TM9SF4: variants seen among roughly 807,000 people sequenced by gnomAD.
The protein encoded by TM9SF4 is transmembrane 9 superfamily member 4, also known as dinucleotide oxidase disulfide thiol exchanger 3 superfamily member 4.
Under a neutral mutation model 90.4 loss-of-function variants are expected in TM9SF4, and 26 were observed. That is an observed-to-expected ratio of 0.29 (90% CI 0.21 to 0.40). The LOEUF (loss-of-function observed/expected upper bound fraction) is 0.40, where lower values mean the gene tolerates loss of function less well. Among genes scored for constraint, TM9SF4 ranks in the 10% least tolerant of loss-of-function variants. The pLI, the probability that TM9SF4 is intolerant of heterozygous loss-of-function variation, is 1.00. For synonymous variants in TM9SF4, 293 were observed against 315.4 expected, an observed-to-expected ratio of 0.93 and a Z score of 0.75; for missense variants, 549 against 834.8, an observed-to-expected ratio of 0.66 and a Z score of 4.22.
intron 1 of TM9SF4, among the ~76,000 whole-genome samples, chr20:32,128,577 G>A (rs114196595): frequency 0.012 from 1,820 of 152,096 alleles, 46 homozygotes; most frequent in African/African-American, 0.041. Context: ...TTTCTCATCC[G>A]TCACCACCCC....
intron 1 of TM9SF4, among the ~76,000 whole-genome samples, chr20:32,111,928 G>T (rs2046148465): frequency 6.6e-6 from 1 of 152,186 alleles, no homozygotes; most frequent in African/African-American, 2.4e-5. Flanking sequence ...TGAGAAGCAT[G>T]CCTGGAAATG....
intron 15 of TM9SF4, among the ~76,000 whole-genome samples, 163 bp downstream of exon 15, chr20:32,158,677 A>G (rs1277920683): frequency 1.3e-5 from 2 of 152,096 alleles, no homozygotes; most frequent in East Asian, 1.9e-4. Flanking sequence ...CTTCCCTCTC[A>G]GGGCAGCATT....
chr20:32,162,621 C>T (rs1003894529), intron 17 of TM9SF4, among the ~76,000 whole-genome samples: 1 of 152,182 alleles, frequency 6.6e-6, no homozygotes, highest in African/African-American at 2.4e-5. Flanking sequence ...GACCCCTGCT[C>T]TACTACATCC....
intron 2 of TM9SF4, among the ~76,000 whole-genome samples, chr20:32,134,790 A>G (rs1324063692): frequency 6.6e-6 from 1 of 151,774 alleles, no homozygotes; most frequent in Non-Finnish European, 1.5e-5. Context: ...CTCCTGCCTC[A>G]GCCTCCTGAG....
chr20:32,121,127 T>G (rs1025920475), intron 1 of TM9SF4, among the ~76,000 whole-genome samples: 1 of 152,178 alleles, frequency 6.6e-6, no homozygotes, highest in Non-Finnish European at 1.5e-5. Flanking sequence ...GCACGTGGTT[T>G]TTAAAAATTT....
At chr20:32,132,433 G>C (rs1361118089) in intron 1 of TM9SF4, among the ~76,000 whole-genome samples, 1 of 152,058 alleles carries the variant, frequency 6.6e-6, no homozygotes, top group Non-Finnish European at 1.5e-5. Context: ...GCAGGTGCCT[G>C]TGGGAAGGGC....
Position 32,143,042 on chromosome 20 carries a change from G to A in TM9SF4, c.589G>A (p.Asp197Asn), listed in dbSNP as rs1363929524. 1 of 1,613,874 alleles carries A rather than the reference G, an allele frequency of 6.2e-7. No individual in the cohort carries two copies. Among genetic ancestry groups the A allele is most frequent in the Non-Finnish European group, 8.5e-7 (1 of 1,179,928 alleles). ...LYYHREDMEEDQEHTYRVVRF... is the reference protein window; with the variant it reads ...LYYHREDMEENQEHTYRVVRF... ...CTATCATCGGGAGGACATGGAAGAGGACCAGGAGCACACGTACCGTGTCGT... is the reference window on the plus strand; with the variant it reads ...CTATCATCGGGAGGACATGGAAGAGAACCAGGAGCACACGTACCGTGTCGT... The change falls in exon 6 of 18, where the codon GAC (aspartate) becomes AAC (asparagine). Residue 197 changes from aspartate to asparagine, a missense_variant. By Grantham distance (23) the Asp-to-Asn change is conservative. Transcript: ENST00000398022.
intron 12 of TM9SF4, among the ~76,000 whole-genome samples, chr20:32,154,728 C>T (rs2046893201): frequency 6.6e-6 from 1 of 152,224 alleles, no homozygotes; most frequent in Non-Finnish European, 1.5e-5. Context: ...GCTGGGATTG[C>T]AGGCATGAGC....
At chr20:32,121,826 G>A (rs1368875785) in intron 1 of TM9SF4, among the ~76,000 whole-genome samples, 7 of 149,280 alleles carry the variant, frequency 4.7e-5, no homozygotes, top group South Asian at 2.1e-4. Flanking sequence ...CTGGCCGGGC[G>A]GGGGGCTGAA....
intron 1 of TM9SF4, 99 bp from the exon 2 acceptor site, chr20:32,132,914 G>A: frequency 9.6e-7 from 1 of 1,043,424 alleles, no homozygotes; most frequent in African/African-American, 1.6e-5. Flanking sequence ...GCTACACTGG[G>A]TCAATTAAAG....
chr20:32,128,722 C>G (rs2046460603), intron 1 of TM9SF4, among the ~76,000 whole-genome samples: 1 of 151,922 alleles, frequency 6.6e-6, no homozygotes, highest in African/African-American at 2.4e-5. Flanking sequence ...ATAATAGTCT[C>G]CAGTTTCATC....
intron 12 of TM9SF4, 39 bp downstream of exon 12, chr20:32,150,914 G>C: frequency 6.2e-7 from 1 of 1,609,380 alleles, no homozygotes; most frequent in Non-Finnish European, 8.5e-7. Context: ...GTGGGAAGCA[G>C]AGAAGCTTCT....
chr20:32,161,156 T>G (rs2047012680), intron 16 of TM9SF4, 120 bp from the exon 17 acceptor site: 2 of 750,668 alleles, frequency 2.7e-6, no homozygotes, highest in Non-Finnish European at 4.6e-6. Context: ...TGTGAAACAT[T>G]TCCATCACCC....
At chr20:32,113,461 C>T (rs2046176384) in intron 1 of TM9SF4, among the ~76,000 whole-genome samples, 2 of 152,000 alleles carry the variant, frequency 1.3e-5, no homozygotes, top group Non-Finnish European at 2.9e-5. Context: ...CTAGCTAGGT[C>T]TGAATTGAGA....
intron 16 of TM9SF4, among the ~76,000 whole-genome samples, chr20:32,160,446 G>A (rs8115919): frequency 0.017 from 2,556 of 152,280 alleles, 72 homozygotes; most frequent in African/African-American, 0.058. Flanking sequence ...TCTGGGAACT[G>A]GCCATTGGCA....
intron 1 of TM9SF4, 191 bp downstream of exon 1, chr20:32,109,946 G>A (rs1449157889): frequency 4.2e-6 from 6 of 1,420,882 alleles, no homozygotes; most frequent in Admixed American, 2.8e-5. Context: ...TCAGGCTTGT[G>A]AAGGCCCCGA....
chr20:32,113,926 G>A (rs1362290497), intron 1 of TM9SF4, among the ~76,000 whole-genome samples: 1 of 152,120 alleles, frequency 6.6e-6, no homozygotes, highest in Non-Finnish European at 1.5e-5. Flanking sequence ...GTGATCTTTT[G>A]TGTCTGGCTT....
Position 32,165,557 on chromosome 20 carries a change from T to A in TM9SF4, c.*113T>A. On this transcript the variant is annotated 3_prime_UTR_variant, in exon 18 of 18. Transcript: ENST00000398022. ...TCCTGCTCGTTTGGAATGTAACTCC[T>A]GGCACAGTGTTCCTGGATCCTGGGG... 1 of 1,283,238 alleles carries A rather than the reference T, an allele frequency of 7.8e-7. No individual in the cohort carries two copies. Among genetic ancestry groups the A allele is most frequent in the Non-Finnish European group, 1.1e-6 (1 of 916,774 alleles). 79.5% of individuals were successfully genotyped at this position (1,283,238 alleles called of 1,614,324 possible). A position where few individuals can be genotyped will look rare whatever the true frequency, so the allele number is the denominator to read the frequency against.
At chr20:32,132,779 C>A (rs552728590) in intron 1 of TM9SF4, among the ~76,000 whole-genome samples, 1 of 152,302 alleles carries the variant, frequency 6.6e-6, no homozygotes, top group Admixed American at 6.5e-5. Flanking sequence ...ATAGTCTTCC[C>A]TTTTGCCCAG....
Sources: allele counts gnomAD v4.1 joint callset (sites outside exome capture counted in the v4.1 genomes callset), GRCh38; gene constraint gnomAD v4.1.1; transcripts MANE v1.5; gene names NCBI Gene and HGNC (gene_info 2026-07-23, HGNC 2026-07-21).